MEGF8: variants seen among roughly 807,000 people sequenced by gnomAD.
The protein encoded by MEGF8 is multiple EGF like domains 8, also known as multiple epidermal growth factor-like domains protein 8.
A neutral mutation model predicts 302.9 loss-of-function variants in MEGF8; 156 were observed. The observed-to-expected ratio is 0.52, with a 90% confidence interval of 0.45 to 0.59. MEGF8 has a LOEUF of 0.59. Ranked by LOEUF, MEGF8 falls within the 20% of genes least tolerant of loss-of-function variation. The pLI is 0.00. For missense variants in MEGF8, 3,345 were observed against 3,964.5 expected, an observed-to-expected ratio of 0.84 and a Z score of 4.20; for synonymous variants, 1,621 against 1,660.5, an observed-to-expected ratio of 0.98 and a Z score of 0.58.
chr19:42,362,164 G>A lies in MEGF8; in HGVS notation c.5795G>A (p.Ser1932Asn). The A allele has an allele frequency of 1.2e-6, 2 of 1,611,204 alleles. No individual in the cohort carries two copies. Among genetic ancestry groups the A allele is most frequent in the East Asian group, 2.2e-5 (1 of 44,822 alleles). The change falls in exon 33 of 42, where the codon AGT (serine) becomes AAT (asparagine). Residue 1932 changes from serine (S) to asparagine (N), a missense_variant. Physicochemically the swap from Ser to Asn is conservative, Grantham distance 46 (BLOSUM62 1). Transcript: ENST00000251268. ...GAATGTCGACGTCTCCGGACCTGCA[G>A]TGAGTGCCTGGCCCGCCATCCTCGG... The part of the protein sequence containing the change: ...PEECRRLRTC[S>N]ECLARHPRTL...
rs1444721224 is a variant in MEGF8, at chr19:42,334,144, C to T, written c.489C>T (p.Gly163=). ...QPPGVCACEP[G]WGGPDCGLQE... ...CGGGTGTGTGTGCCTGCGAGCCGGGCTGGGGGGGTCCTGACTGTGGCCTGC... is the reference window on the plus strand; with the variant it reads ...CGGGTGTGTGTGCCTGCGAGCCGGGTTGGGGGGGTCCTGACTGTGGCCTGC... The change falls in exon 3 of 42, where the codon GGC becomes GGT. Residue 163 remains glycine (G), a synonymous_variant. Coordinates refer to ENST00000251268, the MANE Select transcript of MEGF8 (RefSeq NM_001271938.2). 2 of 1,611,712 alleles carry T rather than the reference C, an allele frequency of 1.2e-6. No individual in the cohort carries two copies. The highest frequency in any genetic ancestry group is 1.7e-6 in the Non-Finnish European group (2 of 1,179,690).
At chr19:42,343,380 A>G in intron 8 of MEGF8, 97 bp from the exon 9 acceptor site, 1 of 1,386,782 alleles carries the variant, frequency 7.2e-7, no homozygotes, top group Non-Finnish European at 9.7e-7. Context: ...AGCCACCGGA[A>G]TAGAAGGCTG....
rs2147522423 is a variant in MEGF8, at chr19:42,377,630, T to C, written c.*855T>C. ...GGTGAAACCCCATGTCTACTAAAAA[T>C]ACAAAAATTAGCTGGGCATGGTGGC... On this transcript the variant is annotated 3_prime_UTR_variant, in exon 42 of 42. Transcript: ENST00000251268. 6.6e-6 allele frequency: 1 copy of C among 152,114 alleles called. No individual in the cohort carries two copies. Among genetic ancestry groups the C allele is most frequent in the Non-Finnish European group, 1.5e-5 (1 of 68,036 alleles). 9.4% of individuals were successfully genotyped at this position (152,114 alleles called of 1,614,324 possible).
intron 23 of MEGF8, 149 bp from the exon 24 acceptor site, chr19:42,355,609 G>A (rs2039439572): frequency 2.6e-6 from 3 of 1,155,728 alleles, no homozygotes; most frequent in East Asian, 2.6e-5. Context: ...GCTGAGGGAG[G>A]GGGTGCAGAA....
Position 42,353,811 on chromosome 19 carries a change from C to A in MEGF8, c.3798C>A (p.Arg1266=). The A allele has an allele frequency of 6.2e-7, 1 of 1,608,914 alleles. No homozygotes were observed. The highest frequency in any genetic ancestry group is 2.2e-5 in the East Asian group (1 of 44,740). ...GGSCFRECGG[R]ALLTNVSSVA... is the part of the protein sequence containing the mutation. ...CCTGCTTTCGGGAGTGTGGGGGTCGCGCCCTCCTCACCAACGTGTCCTCAG... is the reference window on the plus strand; with the variant it reads ...CCTGCTTTCGGGAGTGTGGGGGTCGAGCCCTCCTCACCAACGTGTCCTCAG... Residue 1266 remains arginine (R), a synonymous_variant, in exon 22 of 42, where the codon CGC becomes CGA. Coordinates refer to ENST00000251268, the MANE Select transcript of MEGF8 (RefSeq NM_001271938.2). This position sits in a 1 kb window ranked among gnomAD's most constrained non-coding sequence, Gnocchi z 6.1.
Position 42,344,511 on chromosome 19 carries a change from G to A in MEGF8, c.1859G>A (p.Ser620Asn). The A allele has an allele frequency of 1.3e-6, 2 of 1,599,400 alleles. No homozygotes were observed. Among genetic ancestry groups the A allele is most frequent in the South Asian group, 2.2e-5 (2 of 90,956 alleles). The change falls in exon 11 of 42, where the codon AGC (serine) becomes AAC (asparagine). Residue 620 changes from serine to asparagine, a missense_variant. Physicochemically the swap from Ser to Asn is conservative, Grantham distance 46. Transcript: ENST00000251268. This position sits in a 1 kb window ranked among gnomAD's most constrained non-coding sequence, Gnocchi z 4.5. ...TGCCAGGCCTGCCTGGCCTTCAGCAGCCCCACAGCCCCTCCACGGGGACCT... is the reference window on the plus strand; with the variant it reads ...TGCCAGGCCTGCCTGGCCTTCAGCAACCCCACAGCCCCTCCACGGGGACCT... The part of the protein sequence containing the change: ...GDCQACLAFS[S>N]PTAPPRGPGT...
In MEGF8 at chr19:42,370,335, G is replaced by C; in HGVS notation, c.6981G>C (p.Lys2327Asn). ...KELQMSKGEP[K>N]KYSLDPEEIE... Reference sequence around the variant, plus strand: ...TACAAATGTCCAAGGGAGAGCCAAAGAAGTACTCACTGGACCCAGAGGAGG... The same window carrying C: ...TACAAATGTCCAAGGGAGAGCCAAACAAGTACTCACTGGACCCAGAGGAGG... Residue 2327 changes from lysine (K) to asparagine (N), a missense_variant, in exon 39 of 42, where the codon AAG (lysine) becomes AAC (asparagine). By Grantham distance (94) the Lys-to-Asn change is moderately conservative. Transcript: ENST00000251268. 2 of 1,594,206 alleles carry C rather than the reference G, an allele frequency of 1.3e-6. No individual in the cohort carries two copies. The highest frequency in any genetic ancestry group is 1.3e-5 in the African/African-American group (1 of 74,712).
chr19:42,369,803 C>A lies in MEGF8; in HGVS notation c.6834+80C>A. On this transcript the variant is annotated intron_variant, in intron 38 of 41. Transcript: ENST00000251268. This position sits in a 1 kb window ranked among gnomAD's most constrained non-coding sequence, Gnocchi z 5.7. ...CTTCATCCCACGCTCAGGCGGCTCG[C>A]ATCTCATCCTGAGCCCTGATAAGCC... 16 of 1,417,272 alleles carry A rather than the reference C, an allele frequency of 1.1e-5. No homozygotes were observed. The highest frequency in any genetic ancestry group is 1.3e-5 in the Non-Finnish European group (14 of 1,052,994). The allele number at this position is 1,417,272 out of a possible 1,614,324, so 87.8% of individuals were successfully genotyped here.
chr19:42,343,387 G>C (rs1316455265), intron 8 of MEGF8, 90 bp from the exon 9 acceptor site: 1 of 1,414,708 alleles, frequency 7.1e-7, no homozygotes, highest in Non-Finnish European at 9.6e-7. Flanking sequence ...GGAATAGAAG[G>C]CTGGGCTGTG....
In MEGF8 at chr19:42,375,876, G is replaced by A. The variant is rs1322808398; in HGVS notation, c.7639G>A (p.Gly2547Arg). The stretch of plus-strand genomic sequence containing the variant: ...TGCAGATGGTGGGCCCCGGGGGGCT[G>A]GGGATCCAGGAGGAGCAGGGGCCAG... ...PPADGGPRGAGDPGGAGASSG... is the reference protein window; with the variant it reads ...PPADGGPRGARDPGGAGASSG... Residue 2547 changes from glycine (G) to arginine (R), a missense_variant, in exon 42 of 42, where the codon GGG (glycine) becomes AGG (arginine). Transcript: ENST00000251268. This position sits in a 1 kb window ranked among gnomAD's most constrained non-coding sequence, Gnocchi z 7.1. 1 of 1,605,972 alleles carries A rather than the reference G, an allele frequency of 6.2e-7. No homozygotes were observed. Among genetic ancestry groups the A allele is most frequent in the East Asian group, 2.2e-5 (1 of 44,718 alleles).
chr19:42,376,023 C>G lies in MEGF8; in HGVS notation c.7786C>G (p.Leu2596Val), dbSNP rs140517402. The G allele has an allele frequency of 6.2e-7, 1 of 1,604,816 alleles. No homozygotes were observed. The highest frequency in any genetic ancestry group is 1.7e-5 in the Admixed American group (1 of 59,738). Residue 2596 changes from leucine (L) to valine (V), a missense_variant, in exon 42 of 42, where the codon CTG (leucine) becomes GTG (valine). Physicochemically the swap from Leu to Val is conservative, Grantham distance 32. Coordinates refer to ENST00000251268, the MANE Select transcript of MEGF8 (RefSeq NM_001271938.2). The surrounding 1 kb of genome is among the most constrained non-coding windows in gnomAD (Gnocchi z 8.2). Reference protein sequence around the residue: ...VLVVRGVRDRLVITYPHEHHA... With the variant: ...VLVVRGVRDRVVITYPHEHHA... ...GGTGGTCCGCGGCGTGCGGGACCGG[C>G]TGGTCATCACCTACCCACACGAGCA...
At chr19:42,370,021 G>A (rs2147509015) in intron 38 of MEGF8, among the ~76,000 whole-genome samples, 168 bp from the exon 39 acceptor site, 1 of 152,330 alleles carries the variant, frequency 6.6e-6, no homozygotes, top group East Asian at 1.9e-4. Flanking sequence ...TTGGGCTGCA[G>A]GTGTGCAAGG....
Position 42,360,987 on chromosome 19 carries a change from T to C in MEGF8, c.5701T>C (p.Ser1901Pro). Residue 1901 changes from serine (S) to proline (P), a missense_variant, in exon 32 of 42, where the codon TCC becomes CCC. Transcript: ENST00000251268. The stretch of plus-strand genomic sequence containing the variant: ...CACCTGGTGCCATGGGGCCTGCTTG[T>C]CCGGGGATCAGGCCCACAGGTAACC... ...ACTWCHGACL[S>P]GDQAHRLGCG... The C allele has an allele frequency of 6.4e-7, 1 of 1,561,054 alleles. No individual in the cohort carries two copies. The highest frequency in any genetic ancestry group is 2.3e-5 in the East Asian group (1 of 44,318).
In MEGF8 at chr19:42,355,775, TG is replaced by T; in HGVS notation, c.4165del (p.Glu1389ArgfsTer156). ...CTTCACAGGGCTGCTCGTGCTGCAC[TG>T]GGAGGCCAATGGCTCCTCATCCTGG... Reference protein sequence around the residue: ...QALSGLLVLHWEANGSSSWGF... With the variant: ...QALSGLLVLHXEANGSSSWGF... On this transcript the variant is annotated frameshift_variant, in exon 24 of 42. Coordinates refer to ENST00000251268, the MANE Select transcript of MEGF8 (RefSeq NM_001271938.2). LOFTEE classifies it high-confidence loss of function. 6.3e-7 allele frequency: 1 copy of T among 1,582,556 alleles called. No homozygotes were observed. The highest frequency in any genetic ancestry group is 8.6e-7 in the Non-Finnish European group (1 of 1,163,464).
In MEGF8 at chr19:42,356,937, T is replaced by C. The variant is rs144595008; in HGVS notation, c.4786T>C (p.Phe1596Leu). ...GLTAGGVTRD[F>L]WVLNLTTLQW... ...TACCGCTGGAGGCGTCACCCGTGAT[T>C]TCTGGGTCCTCAACCTCACCACCCT... Residue 1596 changes from phenylalanine (F) to leucine (L), a missense_variant, in exon 27 of 42, where the codon TTC (phenylalanine) becomes CTC (leucine). Coordinates refer to ENST00000251268, the MANE Select transcript of MEGF8 (RefSeq NM_001271938.2). This position sits in a 1 kb window ranked among gnomAD's most constrained non-coding sequence, Gnocchi z 5.2. 1 of 1,610,886 alleles carries C rather than the reference T, an allele frequency of 6.2e-7. No homozygotes were observed. Among genetic ancestry groups the C allele is most frequent in the Non-Finnish European group, 8.5e-7 (1 of 1,178,774 alleles).
chr19:42,336,367 C>A lies in MEGF8; in HGVS notation c.1244+21C>A, dbSNP rs763283966. 1 of 1,567,374 alleles carries A rather than the reference C, an allele frequency of 6.4e-7. No individual in the cohort carries two copies. Among genetic ancestry groups the A allele is most frequent in the South Asian group, 1.2e-5 (1 of 85,310 alleles). ...GCCCGGTAAGTGACCTGTCCCATAA[C>A]CCATGCTCCACAGGCCAGGCCCAGC... On this transcript the variant is annotated intron_variant, in intron 6 of 41. Coordinates refer to ENST00000251268, the MANE Select transcript of MEGF8 (RefSeq NM_001271938.2). This position sits in a 1 kb window ranked among gnomAD's most constrained non-coding sequence, Gnocchi z 4.8.
rs1029566671 is a variant in MEGF8 at position 42,369,449 on chromosome 19, G to A, written c.6642-82G>A. On this transcript the variant is annotated intron_variant, in intron 37 of 41. Coordinates refer to ENST00000251268, the MANE Select transcript of MEGF8 (RefSeq NM_001271938.2). This position sits in a 1 kb window ranked among gnomAD's most constrained non-coding sequence, Gnocchi z 5.7. The stretch of plus-strand genomic sequence containing the variant: ...GGGATGAGCAACCAGTTGAGAAGAG[G>A]GTGGGGTAGTTGGTTGGGTGCTAGG... 292 of 1,410,152 alleles carry A rather than the reference G, an allele frequency of 2.1e-4. No homozygotes were observed. The highest frequency in any genetic ancestry group is 2.7e-4 in the Non-Finnish European group (277 of 1,030,926). 87.4% of individuals were successfully genotyped at this position (1,410,152 alleles called of 1,614,324 possible).
intron 41 of MEGF8, among the ~76,000 whole-genome samples, chr19:42,371,927 T>A (rs1220751746): frequency 6.6e-6 from 1 of 151,518 alleles, no homozygotes. Context: ...TGAAAAAAAA[T>A]TTAAAAATTA....
rs1304558393 is a variant in MEGF8 at position 42,368,876 on chromosome 19, C to A, written c.6515C>A (p.Ala2172Asp). ...LTCGRPGASW[A>D]FLSCPPEDEC... The stretch of plus-strand genomic sequence containing the variant: ...TGTGGGCGTCCGGGGGCCTCCTGGG[C>A]CTTCCTGTCCTGCCCCCCTGAGGAC... The change falls in exon 37 of 42, where the codon GCC becomes GAC. Residue 2172 changes from alanine to aspartate, a missense_variant. Coordinates refer to ENST00000251268, the MANE Select transcript of MEGF8 (RefSeq NM_001271938.2). The surrounding 1 kb of genome is among the most constrained non-coding windows in gnomAD (Gnocchi z 4.9). The A allele has an allele frequency of 6.2e-7, 1 of 1,613,822 alleles. No individual in the cohort carries two copies. The highest frequency in any genetic ancestry group is 1.7e-5 in the Admixed American group (1 of 60,012).
Sources: allele counts gnomAD v4.1 joint callset (sites outside exome capture counted in the v4.1 genomes callset), GRCh38; gene constraint gnomAD v4.1.1; non-coding constraint Gnocchi (gnomAD v3.1); transcripts MANE v1.5; gene names NCBI Gene and HGNC (gene_info 2026-07-23, HGNC 2026-07-21).